Variants in LMAN2 observed in about 807,000 individuals in gnomAD.
LMAN2 encodes the protein lectin, mannose binding 2.
In LMAN2, 22 loss-of-function variants were observed where a neutral mutation model predicts 39.3. That is an observed-to-expected ratio of 0.56 (90% CI 0.40 to 0.80). The LOEUF (loss-of-function observed/expected upper bound fraction) is 0.80, where lower values mean the gene tolerates loss of function less well. Ranked by LOEUF, LMAN2 falls within the 30% of genes least tolerant of loss-of-function variation. LMAN2 has a pLI of 0.00. For missense variants in LMAN2, 494 were observed against 505.4 expected (o/e 0.98, Z 0.22); for synonymous variants, 207 against 207.8 (o/e 1.00, Z 0.03).
In LMAN2 at chr5:177,337,421, A is replaced by G. The variant is rs1047166239; in HGVS notation, c.617T>C (p.Phe206Ser). The change falls in exon 5 of 8, where the codon TTC becomes TCC. Residue 206 changes from phenylalanine to serine, a missense_variant. Transcript: ENST00000303127. This position sits in a 1 kb window ranked among gnomAD's most constrained non-coding sequence, Gnocchi z 8.2. ...WTELAGCTAD[F>S]RNRDHDTFLA... ...GAAGGTGTCGTGATCGCGGTTGCGG[A>G]AGTCAGCCGTGCAGCCCGCCAGCTC... 2 of 1,613,476 alleles carry G rather than the reference A, an allele frequency of 1.2e-6. No homozygotes were observed. The highest frequency in any genetic ancestry group is 1.1e-5 in the South Asian group (1 of 91,084).
In LMAN2 at chr5:177,351,665, C is replaced by T. The variant is rs1761730704; in HGVS notation, c.-18G>A. ...GCCGCCATTCTCCTCTCCTCTCGGC[C>T]ACTTCCGCCCTAGAACTTCCGCCTT... On this transcript the variant is annotated 5_prime_UTR_variant, in exon 1 of 8. Transcript: ENST00000303127. 18 of 1,553,858 alleles carry T rather than the reference C, an allele frequency of 1.2e-5. No homozygotes were observed. The highest frequency in any genetic ancestry group is 1.6e-5 in the Non-Finnish European group (18 of 1,154,638).
At chr5:177,341,224 GC>G (rs1561605560) in intron 2 of LMAN2, among the ~76,000 whole-genome samples, 2 of 151,788 alleles carry the variant, frequency 1.3e-5, no homozygotes, top group Non-Finnish European at 2.9e-5. Flanking sequence ...GCGCCACTAC[GC>G]CTGGCTAATT....
chr5:177,333,221 C>T (rs555970649), intron 7 of LMAN2, among the ~76,000 whole-genome samples: 86 of 152,366 alleles, frequency 5.6e-4, no homozygotes, highest in Admixed American at 5.0e-3. Context: ...CCCTGTCTGC[C>T]GCAGACCCTA....
intron 6 of LMAN2, among the ~76,000 whole-genome samples, chr5:177,336,147 A>C (rs752881281): frequency 1.2e-4 from 18 of 152,298 alleles, no homozygotes; most frequent in Non-Finnish European, 2.6e-4. Context: ...TGGGCTGGGG[A>C]CACAGGAGGG....
intron 2 of LMAN2, among the ~76,000 whole-genome samples, chr5:177,343,580 C>CACACACACACACGGAATGTGGTCTAG (rs1761589680): frequency 6.6e-6 from 1 of 152,198 alleles, no homozygotes; most frequent in Non-Finnish European, 1.5e-5. Context: ...CACACACACA[C>CACACACACACACGGAATGTGGTCTAG]ACACACACAC....
chr5:177,338,819 G>A (rs1006012885), intron 2 of LMAN2, among the ~76,000 whole-genome samples: 1 of 152,196 alleles, frequency 6.6e-6, no homozygotes. Flanking sequence ...GGTGAGGTGG[G>A]GGAGGCCAGT....
intron 7 of LMAN2, 96 bp downstream of exon 7, chr5:177,334,188 C>A: frequency 6.7e-7 from 1 of 1,501,498 alleles, no homozygotes; most frequent in Non-Finnish European, 8.8e-7. Context: ...ACAACCACCA[C>A]AACCACGACT....
intron 6 of LMAN2, among the ~76,000 whole-genome samples, chr5:177,336,429 G>A (rs535656098): frequency 8.5e-5 from 13 of 152,318 alleles, no homozygotes; most frequent in Non-Finnish European, 1.6e-4. Flanking sequence ...GCGATTACAC[G>A]GCTGCTGTGC....
chr5:177,343,185 G>A (rs1761583213), intron 2 of LMAN2, among the ~76,000 whole-genome samples: 1 of 152,142 alleles, frequency 6.6e-6, no homozygotes, highest in South Asian at 2.1e-4. Flanking sequence ...AACCCGGGAG[G>A]CAGAGGTTCC....
chr5:177,339,855 A>G (rs1005057246), intron 2 of LMAN2, among the ~76,000 whole-genome samples: 47 of 152,198 alleles, frequency 3.1e-4, no homozygotes, highest in African/African-American at 1.1e-3. Context: ...CTGTACCCCA[A>G]TTTGAGCAAT....
chr5:177,341,180 C>A (rs1761549264), intron 2 of LMAN2, among the ~76,000 whole-genome samples: 1 of 151,562 alleles, frequency 6.6e-6, no homozygotes, highest in Non-Finnish European at 1.5e-5. Context: ...GATTCTCCTG[C>A]CTCAGCCTCC....
At chr5:177,348,107 G>T (rs369750905) in intron 2 of LMAN2, among the ~76,000 whole-genome samples, 1 of 151,668 alleles carries the variant, frequency 6.6e-6, no homozygotes, top group East Asian at 1.9e-4. Flanking sequence ...GGGGGTGGGG[G>T]GTGACATCCT....
intron 6 of LMAN2, 59 bp from the exon 7 acceptor site, chr5:177,334,462 C>G (rs1761440196): frequency 1.3e-6 from 2 of 1,555,900 alleles, no homozygotes; most frequent in East Asian, 2.3e-5. Flanking sequence ...GCACGTGGCC[C>G]AAGACCCTCC....
At chr5:177,334,681 C>T (rs1189625950) in intron 6 of LMAN2, 5 of 354,434 alleles carry the variant, frequency 1.4e-5, no homozygotes, top group Non-Finnish European at 2.1e-5. Context: ...CTTTGAGGCT[C>T]ATGTTCCGCA....
chr5:177,334,725 T>C (rs560652168), intron 6 of LMAN2, among the ~76,000 whole-genome samples: 2 of 152,118 alleles, frequency 1.3e-5, no homozygotes, highest in African/African-American at 2.4e-5. Context: ...ATCTGTGTGG[T>C]TGCCATGGCA....
rs548772900 is a variant in LMAN2, at chr5:177,336,646, G to T, written c.790+490C>A. Among the ~76,000 whole-genome samples the T allele has an allele frequency of 5.9e-5, 9 of 152,302 alleles. No homozygotes were observed. In the South Asian group the frequency reaches 1.9e-3, roughly 32 times the overall value. Reference sequence around the variant, plus strand: ...TCCGGAAAGACAGCAAGCAAATAGAGGGGCACAGGTGCCACTGACATCCCG... The same window carrying T: ...TCCGGAAAGACAGCAAGCAAATAGATGGGCACAGGTGCCACTGACATCCCG... On this transcript the variant is annotated intron_variant, in intron 6 of 7. Coordinates refer to ENST00000303127, the MANE Select transcript of LMAN2 (RefSeq NM_006816.3).
rs1331810522 is a variant in LMAN2 at position 177,340,915 on chromosome 5, C to T, written c.316-2310G>A. Reference sequence around the variant, plus strand: ...GACTACAGGCGCCCGCCACCACACCCGGCTAATTTTTTTGTATTTTTAGTA... The same window carrying T: ...GACTACAGGCGCCCGCCACCACACCTGGCTAATTTTTTTGTATTTTTAGTA... On this transcript the variant is annotated intron_variant, in intron 2 of 7. Transcript: ENST00000303127. 1.8e-3 allele frequency among the ~76,000 whole-genome samples: 273 copies of T among 151,356 alleles called. 1 individual carries two copies. The highest frequency in any genetic ancestry group is 6.1e-3 in the African/African-American group (251 of 41,394).
At chr5:177,334,479 G>A in intron 6 of LMAN2, 76 bp from the exon 7 acceptor site, 1 of 1,530,294 alleles carries the variant, frequency 6.5e-7, no homozygotes, top group Non-Finnish European at 8.8e-7. Context: ...CTCCCACAAG[G>A]AAAGCTGCTG....
chr5:177,338,864 CA>C (rs1216905210), intron 2 of LMAN2, among the ~76,000 whole-genome samples: 1 of 152,218 alleles, frequency 6.6e-6, no homozygotes, highest in Non-Finnish European at 1.5e-5. Context: ...ACCCCGCCAG[CA>C]GACCTCAGGC....
Sources: allele counts gnomAD v4.1 joint callset (sites outside exome capture counted in the v4.1 genomes callset), GRCh38; gene constraint gnomAD v4.1.1; non-coding constraint Gnocchi (gnomAD v3.1); transcripts MANE v1.5; gene names NCBI Gene and HGNC (gene_info 2026-07-23, HGNC 2026-07-21).